The following RASA3 variants were observed in gnomAD, a reference collection of about 807,000 sequenced individuals.
The protein encoded by RASA3 is ras GTPase-activating protein 3.
Under a neutral mutation model 110.0 loss-of-function variants are expected in RASA3, and 73 were observed. The observed-to-expected ratio is 0.66, with a 90% CI of 0.55 to 0.81. The LOEUF (loss-of-function observed/expected upper bound fraction) is 0.81. RASA3 is among the 30% of genes least tolerant of loss of function. RASA3 has a pLI of 0.00. For synonymous variants in RASA3, 500 were observed against 451.4 expected (o/e 1.11, Z -1.37); for missense variants, 976 against 1,113.2 (o/e 0.88, Z 1.75).
In RASA3 at chr13:113,981,733, C is replaced by T. The variant is rs2052940150; in HGVS notation, c.2371G>A (p.Glu791Lys). The T allele has an allele frequency of 1.9e-6, 3 of 1,614,008 alleles. No individual in the cohort carries two copies. Among genetic ancestry groups the T allele is most frequent in the Non-Finnish European group, 2.5e-6 (3 of 1,180,008 alleles). The change falls in exon 23 of 24, where the codon GAG becomes AAG. Residue 791 changes from glutamate (E) to lysine (K), a missense_variant. Physicochemically the swap from Glu to Lys is moderately conservative, Grantham distance 56. This residue lies in a region of RASA3 where 132 missense variants were observed against 152.8 expected (regional missense o/e 0.86). Transcript: ENST00000334062. ...CTCTTATACTGGGCGTGCTCCTGCT[C>T]CAAAGCCCCAACCCCAGCGATGACT... is the stretch of plus-strand genomic sequence containing the variant. Reference protein sequence around the residue: ...KQVIAGVGALEQEHAQYKRDK... With the variant: ...KQVIAGVGALKQEHAQYKRDK...
At chr13:114,034,369 C>T (rs1282780752) in intron 4 of RASA3, among the ~76,000 whole-genome samples, 5 of 152,378 alleles carry the variant, frequency 3.3e-5, no homozygotes, top group East Asian at 3.9e-4. Flanking sequence ...GGAAGAGTCA[C>T]GACTGCATGT....
At chr13:114,080,410 CA>C (rs1164512890) in intron 1 of RASA3, among the ~76,000 whole-genome samples, 9 of 152,196 alleles carry the variant, frequency 5.9e-5, no homozygotes, top group African/African-American at 2.2e-4. Flanking sequence ...CACTGCCGTC[CA>C]GGGGGTCTGC....
intron 1 of RASA3, among the ~76,000 whole-genome samples, chr13:114,122,427 C>T (rs1346719045): frequency 2.0e-5 from 3 of 152,226 alleles, no homozygotes; most frequent in Non-Finnish European, 4.4e-5. Context: ...TGCTAATGGC[C>T]CTGTCCATCA....
intron 2 of RASA3, among the ~76,000 whole-genome samples, chr13:114,058,551 C>G (rs2079284772): frequency 6.6e-6 from 1 of 152,262 alleles, no homozygotes; most frequent in African/African-American, 2.4e-5. Flanking sequence ...ACTTGAGGGT[C>G]CAGACCTGAG....
intron 1 of RASA3, among the ~76,000 whole-genome samples, chr13:114,078,384 A>G (rs1396417197): frequency 6.6e-6 from 1 of 152,008 alleles, no homozygotes; most frequent in African/African-American, 2.4e-5. Context: ...TGTGGTATAC[A>G]GTAAGTACCT....
intron 1 of RASA3, among the ~76,000 whole-genome samples, chr13:114,106,012 G>C (rs754591663): frequency 6.6e-6 from 1 of 152,166 alleles, no homozygotes; most frequent in African/African-American, 2.4e-5. Context: ...CTGGGGCCAC[G>C]GCAGGAAATC....
At chr13:114,026,768 A>G (rs1489140777) in intron 7 of RASA3, among the ~76,000 whole-genome samples, 3 of 152,150 alleles carry the variant, frequency 2.0e-5, no homozygotes, top group Non-Finnish European at 4.4e-5. Flanking sequence ...CATCTGCCTA[A>G]AGGCCCTGCA....
chr13:113,981,932 T>C, intron 22 of RASA3, 74 bp from the exon 23 acceptor site: 1 of 1,428,974 alleles, frequency 7.0e-7, no homozygotes, highest in Non-Finnish European at 9.5e-7. Flanking sequence ...GCTGCGTCGC[T>C]GCAGGCCCCA....
chr13:114,038,606 G>T (rs1257604078), intron 4 of RASA3, among the ~76,000 whole-genome samples: 1 of 152,238 alleles, frequency 6.6e-6, no homozygotes, highest in Non-Finnish European at 1.5e-5. Flanking sequence ...CTTCATGAAT[G>T]AACCCTTTGC....
intron 2 of RASA3, among the ~76,000 whole-genome samples, chr13:114,053,335 C>T (rs1271683050): frequency 2.6e-5 from 4 of 152,216 alleles, no homozygotes; most frequent in African/African-American, 9.6e-5. Context: ...CTTTGCCATT[C>T]AGCAAACCTT....
At chr13:114,037,916 G>A (rs1263258555) in intron 4 of RASA3, among the ~76,000 whole-genome samples, 1 of 151,914 alleles carries the variant, frequency 6.6e-6, no homozygotes, top group Admixed American at 6.5e-5. Flanking sequence ...GTCCGTTCGG[G>A]GGAGCCGGGA....
At chr13:114,131,614 T>C (rs2080520958) in intron 1 of RASA3, among the ~76,000 whole-genome samples, 2 of 151,806 alleles carry the variant, frequency 1.3e-5, no homozygotes, top group Non-Finnish European at 2.9e-5. Flanking sequence ...CGCCACCAGC[T>C]CGCCCGCCAC....
intron 1 of RASA3, among the ~76,000 whole-genome samples, chr13:114,081,023 CCCCA>C (rs2079779208): frequency 6.9e-6 from 1 of 144,144 alleles, no homozygotes. Flanking sequence ...ACCAAGAGTG[CCCCA>C]CGGCAGAGGG....
rs907718012 is a variant in RASA3 at position 114,073,738 on chromosome 13, A to G, written c.155T>C (p.Ile52Thr). 39 of 1,613,874 alleles carry G rather than the reference A, an allele frequency of 2.4e-5. No individual in the cohort carries two copies. The highest frequency in any genetic ancestry group is 1.6e-4 in the Middle Eastern group (1 of 6,080). The change falls in exon 2 of 24, where the codon ATT becomes ACT. Residue 52 changes from isoleucine (I) to threonine (T), a missense_variant. Physicochemically the swap from Ile to Thr is moderately conservative, Grantham distance 89. Transcript: ENST00000334062. ...LDQEEVFRTK[I>T]VEKSLCPFYG... Reference sequence around the variant, plus strand: ...ACATTACCAGAGTGACTTTTCCACAATTTTGGTCCTGAAAACCTCCTCCTG... The same window carrying G: ...ACATTACCAGAGTGACTTTTCCACAGTTTTGGTCCTGAAAACCTCCTCCTG...
At chr13:114,073,586 A>G (rs1354259916) in intron 2 of RASA3, 134 bp downstream of exon 2, 2 of 767,856 alleles carry the variant, frequency 2.6e-6, no homozygotes, top group Non-Finnish European at 4.5e-6. Context: ...TACATGCGGG[A>G]AAACGGGATG....
intron 18 of RASA3, among the ~76,000 whole-genome samples, chr13:114,003,527 A>G (rs919554794): frequency 2.6e-5 from 4 of 152,266 alleles, no homozygotes; most frequent in Admixed American, 6.5e-5. Context: ...AGAATAAATC[A>G]TAAGTGTTAG....
intron 1 of RASA3, among the ~76,000 whole-genome samples, chr13:114,097,923 G>C (rs918745813): frequency 1.3e-5 from 2 of 152,206 alleles, no homozygotes; most frequent in Non-Finnish European, 2.9e-5. Context: ...CAGACGGCCG[G>C]GGCCCCACCA....
chr13:113,992,282 A>G (rs922052348), intron 22 of RASA3, among the ~76,000 whole-genome samples: 1 of 152,272 alleles, frequency 6.6e-6, no homozygotes, highest in East Asian at 1.9e-4. Flanking sequence ...TATAGAACCT[A>G]TTATACAGGT....
intron 8 of RASA3, among the ~76,000 whole-genome samples, chr13:114,022,705 G>A (rs12873828): frequency 0.056 from 8,480 of 152,312 alleles, 451 homozygotes; most frequent in East Asian, 0.2. Context: ...TTAAAAAAAT[G>A]TGCTGAGTGG....
Sources: gnomAD v4.1 joint callset for allele counts (sites outside exome capture counted in the v4.1 genomes callset) on GRCh38, gnomAD v4.1.1 for gene constraint, gnomAD v4.1.1 regional missense constraint, MANE v1.5 for transcripts, NCBI Gene and HGNC (gene_info 2026-07-23, HGNC 2026-07-21) for gene names.